Variants in LAMC3 observed in about 807,000 individuals in gnomAD.
The protein encoded by LAMC3 is laminin subunit gamma-3.
In LAMC3, 128 loss-of-function variants were observed where a neutral mutation model predicts 173.8. The ratio of observed to expected loss-of-function variants is 0.74; its 90% confidence interval spans 0.64 to 0.85. LAMC3 has a LOEUF of 0.85. Among genes scored for constraint, LAMC3 ranks in the 40% least tolerant of loss-of-function variants. The pLI is 0.00. For missense variants in LAMC3, 2,022 were observed against 2,156.0 expected (o/e 0.94, Z 1.23); for synonymous variants, 897 against 909.1 (o/e 0.99, Z 0.24).
intron 21 of LAMC3, among the ~76,000 whole-genome samples, chr9:131,076,385 T>C (rs778455660): frequency 6.6e-6 from 1 of 152,056 alleles, no homozygotes; most frequent in Non-Finnish European, 1.5e-5. Context: ...ACCCCTTCTG[T>C]CCCTCTCAGT....
At chr9:131,049,153 G>C in intron 9 of LAMC3, 23 bp downstream of exon 9, 1 of 1,423,812 alleles carries the variant, frequency 7.0e-7, no homozygotes, top group Non-Finnish European at 9.7e-7. Flanking sequence ...CCAGGTGGGG[G>C]CTGGCCGCCC....
rs1179711654 is a variant in LAMC3, at chr9:131,077,353, G to C, written c.3777+19G>C. 7 of 1,613,072 alleles carry C rather than the reference G, an allele frequency of 4.3e-6. No individual in the cohort carries two copies. Among genetic ancestry groups the C allele is most frequent in the Non-Finnish European group, 5.1e-6 (6 of 1,179,992 alleles). ...AGCTCTGGTCAGCTCAGTTGTCTCAGAGCTCCGTGTGGGGTCGGGAGGATC... is the reference window on the plus strand; with the variant it reads ...AGCTCTGGTCAGCTCAGTTGTCTCACAGCTCCGTGTGGGGTCGGGAGGATC... On this transcript the variant is annotated intron_variant, in intron 22 of 27. Coordinates refer to ENST00000361069, the MANE Select transcript of LAMC3 (RefSeq NM_006059.4).
chr9:131,076,572 T>G (rs1169614420), intron 21 of LAMC3, among the ~76,000 whole-genome samples: 1 of 152,116 alleles, frequency 6.6e-6, no homozygotes, highest in Non-Finnish European at 1.5e-5. Context: ...GATGGCTCTC[T>G]AAGGAGGAGT....
intron 9 of LAMC3, among the ~76,000 whole-genome samples, chr9:131,050,394 C>A (rs1406461254): frequency 3.3e-5 from 5 of 152,196 alleles, no homozygotes; most frequent in Non-Finnish European, 4.4e-5. Flanking sequence ...AACACATCGA[C>A]CCTCTGGCCA....
At chr9:131,052,105 C>A (rs1834298702) in intron 9 of LAMC3, among the ~76,000 whole-genome samples, 1 of 152,160 alleles carries the variant, frequency 6.6e-6, no homozygotes. Context: ...GCTGGGTGTT[C>A]CCTAGGAATT....
chr9:131,059,490 CAAAAAAAAAAAAAAAAAAAAA>C (rs58064050), intron 12 of LAMC3, among the ~76,000 whole-genome samples: 1 of 64,370 alleles, frequency 1.6e-5, no homozygotes, highest in Admixed American at 2.3e-4. Context: ...GACTCCGTCT[CAAAAAAAAAAAAAAAAAAAAA>C]AAAAAAAAGA....
chr9:131,028,259 G>A (rs1359232759), intron 2 of LAMC3, among the ~76,000 whole-genome samples: 7 of 152,132 alleles, frequency 4.6e-5, no homozygotes, highest in African/African-American at 7.2e-5. Context: ...CGCCTACCCC[G>A]TTCGTGGAAA....
At chr9:131,090,530 C>A (rs1422230180) in intron 27 of LAMC3, among the ~76,000 whole-genome samples, 1 of 152,218 alleles carries the variant, frequency 6.6e-6, no homozygotes, top group African/African-American at 2.4e-5. Context: ...GTGCTTGCAG[C>A]TGCTTGCCCA....
chr9:131,067,457 T>C lies in LAMC3; in HGVS notation c.2593+252T>C, dbSNP rs12553829. On this transcript the variant is annotated intron_variant, in intron 14 of 27. Transcript: ENST00000361069. The stretch of plus-strand genomic sequence containing the variant: ...CTGATCCGAAGCCTGGATTGTCTAG[T>C]GCTTACCTCCCACTCTGCAGTCAGC... 0.75 allele frequency among the ~76,000 whole-genome samples: 114,170 copies of C among 152,044 alleles called. 44,055 individuals are homozygous for C. The highest frequency in any genetic ancestry group is 0.84 in the Non-Finnish European group (56,906 of 67,954).
At position 131,039,018 on chromosome 9, in the gene LAMC3, G is replaced by A. The variant is rs1352416564; in HGVS notation, c.1131G>A (p.Arg377=). The stretch of plus-strand genomic sequence containing the variant: ...AGAATTTCTATCACTGGGACCCGCG[G>A]ATGCCATGCCAGCCCTGTGACTGCC... ...CQENFYHWDP[R]MPCQPCDCQS... Residue 377 remains arginine (R), a synonymous_variant, in exon 5 of 28, where the codon CGG becomes CGA. Coordinates refer to ENST00000361069, the MANE Select transcript of LAMC3 (RefSeq NM_006059.4). 6.2e-7 allele frequency: 1 copy of A among 1,613,598 alleles called. No individual in the cohort carries two copies.
chr9:131,051,877 T>C (rs1174589773), intron 9 of LAMC3, among the ~76,000 whole-genome samples: 4 of 152,056 alleles, frequency 2.6e-5, no homozygotes, highest in African/African-American at 9.7e-5. Context: ...GTCACGAACT[T>C]CTGAAGAAAT....
Position 131,046,518 on chromosome 9 carries a change from A to ATTTTTTTTTTTTTTTTTTTTTTTT in LAMC3, c.1519+861_1519+884dup. Among the ~76,000 whole-genome samples the ATTTTTTTTTTTTTTTTTTTTTTTT allele has an allele frequency of 7.4e-3, 363 of 49,164 alleles. 73 individuals are homozygous for ATTTTTTTTTTTTTTTTTTTTTTTT. The highest frequency in any genetic ancestry group is 0.01 in the Non-Finnish European group (274 of 27,382). 32.3% of individuals were successfully genotyped at this position (49,164 alleles called of 152,430 possible). A position where few individuals can be genotyped will look rare whatever the true frequency, so the allele number is the denominator to read the frequency against. Reference sequence around the variant, plus strand: ...ACCACCATGCCGAGCTAATTTTTGTATTTTTTTTTTTTTTTTTTTTTTTTT... The same window carrying ATTTTTTTTTTTTTTTTTTTTTTTT: ...ACCACCATGCCGAGCTAATTTTTGTATTTTTTTTTTTTTTTTTTTTTTTTTTTTTTTTTTTTTTTTTTTTTTTTT... On this transcript the variant is annotated intron_variant, in intron 8 of 27. Coordinates refer to ENST00000361069, the MANE Select transcript of LAMC3 (RefSeq NM_006059.4).
intron 9 of LAMC3, among the ~76,000 whole-genome samples, chr9:131,051,250 G>A (rs1349805289): frequency 6.6e-6 from 1 of 151,880 alleles, no homozygotes; most frequent in African/African-American, 2.4e-5. Flanking sequence ...CTGCAGTTTT[G>A]CCCTTTATTT....
intron 3 of LAMC3, among the ~76,000 whole-genome samples, chr9:131,033,378 C>T (rs1833882592): frequency 6.6e-6 from 1 of 152,140 alleles, no homozygotes; most frequent in Non-Finnish European, 1.5e-5. Flanking sequence ...TCCAGGATGA[C>T]AAGGAAGGAG....
At chr9:131,065,175 A>T (rs533597801) in intron 13 of LAMC3, among the ~76,000 whole-genome samples, 12 of 152,292 alleles carry the variant, frequency 7.9e-5, no homozygotes, top group African/African-American at 2.9e-4. Context: ...AGAGATGGGC[A>T]TGTTTACAAA....
chr9:131,010,576 C>G (rs1468777237), intron 1 of LAMC3, among the ~76,000 whole-genome samples: 1 of 152,236 alleles, frequency 6.6e-6, no homozygotes, highest in Non-Finnish European at 1.5e-5. Context: ...CTTGGGTCTT[C>G]TGGTCAACTT....
At chr9:131,078,230 A>G (rs935747763) in intron 22 of LAMC3, among the ~76,000 whole-genome samples, 6 of 152,100 alleles carry the variant, frequency 3.9e-5, no homozygotes, top group Non-Finnish European at 7.4e-5. Flanking sequence ...GGTGGCTCAC[A>G]CCTGTAATCC....
chr9:131,069,570 A>G, intron 16 of LAMC3, 102 bp from the exon 17 acceptor site: 2 of 1,065,082 alleles, frequency 1.9e-6, no homozygotes, highest in Admixed American at 4.2e-5. Context: ...CATTCTGGGA[A>G]CACCCAGAAC....
At chr9:131,087,965 C>A in intron 27 of LAMC3, 148 bp downstream of exon 27, 1 of 739,034 alleles carries the variant, frequency 1.4e-6, no homozygotes, top group Non-Finnish European at 2.4e-6. Context: ...CAATCACAAG[C>A]ATTTATAACC....
Sources: allele counts gnomAD v4.1 joint callset (sites outside exome capture counted in the v4.1 genomes callset), GRCh38; gene constraint gnomAD v4.1.1; transcripts MANE v1.5; gene names NCBI Gene and HGNC (gene_info 2026-07-23, HGNC 2026-07-21).